Variants in ACACB observed in about 807,000 individuals in gnomAD.
The protein encoded by ACACB is acetyl-CoA carboxylase 2.
Under a neutral mutation model 278.8 loss-of-function variants are expected in ACACB, and 209 were observed. That is an observed-to-expected ratio of 0.75 (90% CI 0.67 to 0.84). The LOEUF (loss-of-function observed/expected upper bound fraction) is 0.84, where lower values mean the gene tolerates loss of function less well. ACACB is among the 40% of genes least tolerant of loss of function. ACACB has a pLI of 0.00. For missense variants in ACACB, 2,850 were observed against 3,269.0 expected (o/e 0.87, Z 3.13); for synonymous variants, 1,174 against 1,285.6 (o/e 0.91, Z 1.86).
chr12:109,188,097 C>G lies in ACACB; in HGVS notation c.2079C>G (p.His693Gln). 2 of 1,613,504 alleles carry G rather than the reference C, an allele frequency of 1.2e-6. No individual in the cohort carries two copies. The highest frequency in any genetic ancestry group is 1.7e-6 in the Non-Finnish European group (2 of 1,179,482). ...YFSVAATGGL[H>Q]EFADSQFGHC... Reference sequence around the variant, plus strand: ...GCGTGGCCGCTACTGGAGGCCTGCACGAGTTTGCGGATTCCCAATTTGGGC... The same window carrying G: ...GCGTGGCCGCTACTGGAGGCCTGCAGGAGTTTGCGGATTCCCAATTTGGGC... Residue 693 changes from histidine to glutamine, a missense_variant, in exon 13 of 53, where the codon CAC becomes CAG. By Grantham distance (24) the His-to-Gln change is conservative. Coordinates refer to ENST00000338432, the MANE Select transcript of ACACB (RefSeq NM_001093.4).
chr12:109,243,604 C>G (rs1479760628), intron 37 of ACACB, among the ~76,000 whole-genome samples: 1 of 151,628 alleles, frequency 6.6e-6, no homozygotes, highest in Non-Finnish European at 1.5e-5. Context: ...GTCTCAAAAA[C>G]AAAAACAAAA....
chr12:109,206,450 C>T (rs1275541278), intron 19 of ACACB, among the ~76,000 whole-genome samples: 1 of 120,194 alleles, frequency 8.3e-6, no homozygotes, highest in Middle Eastern at 4.2e-3. Flanking sequence ...AAAAACAGAT[C>T]TCACCGCCAC....
intron 28 of ACACB, among the ~76,000 whole-genome samples, chr12:109,230,445 CAG>C (rs1295792038): frequency 6.6e-6 from 1 of 152,064 alleles, no homozygotes; most frequent in Non-Finnish European, 1.5e-5. Context: ...TGTTTAGAGA[CAG>C]AGTCTAGTTC....
intron 6 of ACACB, among the ~76,000 whole-genome samples, chr12:109,173,397 A>AC (rs2044181348): frequency 6.6e-6 from 1 of 152,196 alleles, no homozygotes; most frequent in Admixed American, 6.5e-5. Context: ...TCTTGCCCAA[A>AC]TGTGAAGCAA....
At chr12:109,238,011 C>CA (rs538671568) in intron 34 of ACACB, among the ~76,000 whole-genome samples, 2,343 of 61,248 alleles carry the variant, frequency 0.038, 64 homozygotes, top group East Asian at 0.21. Context: ...GACCCTATCA[C>CA]AAAAAAAAAA....
intron 16 of ACACB, among the ~76,000 whole-genome samples, chr12:109,194,356 T>TG (rs1465189939): frequency 6.6e-6 from 1 of 152,090 alleles, no homozygotes; most frequent in African/African-American, 2.4e-5. Flanking sequence ...CCACCATGCC[T>TG]GGCTAATTTT....
intron 24 of ACACB, 66 bp from the exon 25 acceptor site, chr12:109,222,441 A>C: frequency 6.8e-7 from 1 of 1,464,450 alleles, no homozygotes; most frequent in East Asian, 2.3e-5. Flanking sequence ...CCCCAAGTCG[A>C]GATGAGTGCT....
At position 109,233,957 on chromosome 12, in the gene ACACB, T is replaced by C. The variant is rs1229656161; in HGVS notation, c.4259T>C (p.Ile1420Thr). ...DDCKSLREEP[I>T]HILNVSIQCA... Reference sequence around the variant, plus strand: ...TCTCAGAGCCTCAGAGAAGAGCCCATCCACATTCTGAATGTGTCCATCCAG... The same window carrying C: ...TCTCAGAGCCTCAGAGAAGAGCCCACCCACATTCTGAATGTGTCCATCCAG... Residue 1420 changes from isoleucine (I) to threonine (T), a missense_variant, in exon 31 of 53, where the codon ATC becomes ACC. Ile to Thr is a moderately conservative substitution (Grantham distance 89). Around this residue, in one of 3 missense-constraint regions of ACACB, gnomAD observed 2,265 missense variants for 2,561.3 expected, o/e 0.88. Transcript: ENST00000338432. 4 of 1,614,112 alleles carry C rather than the reference T, an allele frequency of 2.5e-6. No homozygotes were observed. In the East Asian group the frequency reaches 8.9e-5, roughly 36 times the overall value.
intron 6 of ACACB, 116 bp downstream of exon 6, chr12:109,172,472 C>T (rs2044151444): frequency 2.2e-6 from 2 of 917,958 alleles, no homozygotes; most frequent in Non-Finnish European, 3.4e-6. Flanking sequence ...GATTTCCCAC[C>T]TCACACTTCT....
intron 16 of ACACB, among the ~76,000 whole-genome samples, chr12:109,194,500 CTCTGTGTGTGCA>C (rs1376508352): frequency 1.8e-5 from 2 of 112,386 alleles, no homozygotes; most frequent in Admixed American, 9.6e-5. Flanking sequence ...CAACCTCTGC[CTCTGTGTGTGCA>C]TGTGTGTGTG....
At chr12:109,144,150 T>G (rs2043184074) in intron 2 of ACACB, among the ~76,000 whole-genome samples, 1 of 152,016 alleles carries the variant, frequency 6.6e-6, no homozygotes, top group Admixed American at 6.6e-5. Context: ...CCATCTCTAT[T>G]AAACTACAAA....
chr12:109,168,459 C>T (rs969330873), intron 4 of ACACB, among the ~76,000 whole-genome samples: 2 of 152,170 alleles, frequency 1.3e-5, no homozygotes, highest in Admixed American at 1.3e-4. Flanking sequence ...CTACTCCCCA[C>T]AGCAGCCAAA....
chr12:109,140,263 C>T (rs12817756), intron 2 of ACACB, among the ~76,000 whole-genome samples: 23,089 of 78,876 alleles, frequency 0.29, 3,925 homozygotes, highest in African/African-American at 0.5. Context: ...TCCATCCTTC[C>T]TTCCTTCTTT....
At chr12:109,166,649 CAAAAAAAAAAAAAA>C (rs869303420) in intron 2 of ACACB, among the ~76,000 whole-genome samples, 198 bp from the exon 3 acceptor site, 1 of 25,062 alleles carries the variant, frequency 4.0e-5, no homozygotes, top group African/African-American at 1.8e-4. Context: ...GATCCCGTCT[CAAAAAAAAAAAAAA>C]AAAAAAAAAA....
Position 109,252,192 on chromosome 12 carries a change from G to A in ACACB, c.5901+36G>A, listed in dbSNP as rs76689318. The A allele has an allele frequency of 6.2e-3, 8,981 of 1,450,178 alleles. 456 individuals are homozygous for A. The African/African-American group carries it at 0.11, about 17-fold the overall frequency. The allele number at this position is 1,450,178 out of a possible 1,614,324, so 89.8% of individuals were successfully genotyped here. On this transcript the variant is annotated intron_variant, in intron 42 of 52. Coordinates refer to ENST00000338432, the MANE Select transcript of ACACB (RefSeq NM_001093.4). ...AGGGGCCTGTGCAGAGTGGATCCTT[G>A]GGGGCCAGGAGTCATTTTAACATTC...
Position 109,179,199 on chromosome 12 carries a change from T to C in ACACB, c.1549T>C (p.Phe517Leu). The change falls in exon 10 of 53, where the codon TTT (phenylalanine) becomes CTT (leucine). Residue 517 changes from phenylalanine (F) to leucine (L), a missense_variant. Transcript: ENST00000338432. ...CCAGTATGGGAATGCTGTGTCTCTGTTTGGTCGCGACTGCTCCATCCAGCG... is the reference window on the plus strand; with the variant it reads ...CCAGTATGGGAATGCTGTGTCTCTGCTTGGTCGCGACTGCTCCATCCAGCG... ...ADQYGNAVSLFGRDCSIQRRH... is the reference protein window; with the variant it reads ...ADQYGNAVSLLGRDCSIQRRH... 6.2e-7 allele frequency: 1 copy of C among 1,614,094 alleles called. No homozygotes were observed. Among genetic ancestry groups the C allele is most frequent in the Non-Finnish European group, 8.5e-7 (1 of 1,180,018 alleles).
intron 38 of ACACB, among the ~76,000 whole-genome samples, 164 bp from the exon 39 acceptor site, chr12:109,246,015 A>G (rs1342815485): frequency 6.6e-6 from 1 of 152,158 alleles, no homozygotes; most frequent in Non-Finnish European, 1.5e-5. Context: ...GCTTAAGCCC[A>G]GAAAGTTGAG....
rs1445076672 is a variant in ACACB at position 109,262,457 on chromosome 12, A to G, written c.6775A>G (p.Met2259Val). ...GATCGATCCAGCTTACAAGAAGCTC[A>G]TGGAACAGCTAGGTAAGGGGGTCCC... The part of the protein sequence containing the change: ...RRIDPAYKKL[M>V]EQLGEPDLSD... The change falls in exon 49 of 53, where the codon ATG becomes GTG. Residue 2259 changes from methionine (M) to valine (V), a missense_variant. Transcript: ENST00000338432. 1 of 1,613,044 alleles carries G rather than the reference A, an allele frequency of 6.2e-7. No homozygotes were observed. Among genetic ancestry groups the G allele is most frequent in the Admixed American group, 1.7e-5 (1 of 59,950 alleles).
chr12:109,226,110 T>TA (rs2046305114), intron 27 of ACACB, among the ~76,000 whole-genome samples: 1 of 151,046 alleles, frequency 6.6e-6, no homozygotes, highest in Non-Finnish European at 1.5e-5. Flanking sequence ...TTACTAAATA[T>TA]AAAAAACAAA....
Sources: gnomAD v4.1 joint callset for allele counts (sites outside exome capture counted in the v4.1 genomes callset) on GRCh38, gnomAD v4.1.1 for gene constraint, gnomAD v4.1.1 regional missense constraint, MANE v1.5 for transcripts, NCBI Gene and HGNC (gene_info 2026-07-23, HGNC 2026-07-21) for gene names.